IL4R: variants seen among roughly 807,000 people sequenced by gnomAD.
IL4R encodes the protein interleukin-4 receptor subunit alpha.
A neutral mutation model predicts 41.5 loss-of-function variants in IL4R; 17 were observed. The ratio of observed to expected loss-of-function variants is 0.41; its 90% CI spans 0.28 to 0.61. IL4R has a LOEUF of 0.61. Among genes scored for constraint, IL4R ranks in the 20% least tolerant of loss-of-function variants. The pLI is 0.31. For synonymous variants in IL4R, 402 were observed against 422.9 expected, an observed-to-expected ratio of 0.95 and a Z score of 0.61; for missense variants, 974 against 1,043.1, an observed-to-expected ratio of 0.93 and a Z score of 0.91.
chr16:27,356,194 C>T (rs776914124), intron 8 of IL4R, among the ~76,000 whole-genome samples: 12 of 150,186 alleles, frequency 8.0e-5, no homozygotes, highest in Non-Finnish European at 1.2e-4. Flanking sequence ...CGGGTTCAAG[C>T]AATTCTTCTG....
chr16:27,331,258 T>C lies in IL4R; in HGVS notation c.-19+1060T>C, dbSNP rs191130694. ...ATTAGATGCTCAGATAGGTCATTGA[T>C]CCCCAAAACACTAAGGTCTCTGACT... On this transcript the variant is annotated intron_variant, in intron 2 of 10. Transcript: ENST00000395762. Among the ~76,000 whole-genome samples, 196 of 152,134 alleles carry C rather than the reference T, an allele frequency of 1.3e-3. 1 individual carries two copies. Among genetic ancestry groups the C allele is most frequent in the Admixed American group, 3.2e-3 (49 of 15,248 alleles).
At chr16:27,326,619 C>T (rs920160657) in intron 1 of IL4R, among the ~76,000 whole-genome samples, 3 of 152,118 alleles carry the variant, frequency 2.0e-5, no homozygotes, top group African/African-American at 7.2e-5. Flanking sequence ...TGAGCCGTGA[C>T]GGTGCGACTG....
rs149258878 is a variant in IL4R, at chr16:27,340,647, A to G, written c.70+374A>G. On this transcript the variant is annotated intron_variant, in intron 3 of 10. Coordinates refer to ENST00000395762, the MANE Select transcript of IL4R (RefSeq NM_000418.4). ...CGAGGTGGGAGGATCCCTTGAACTC[A>G]GGAGGTCAAGGCTGCAGTGAACTGT... is the stretch of plus-strand genomic sequence containing the variant. Among the ~76,000 whole-genome samples, 1,386 of 152,246 alleles carry G rather than the reference A, an allele frequency of 9.1e-3. 12 individuals carry two copies. The highest frequency in any genetic ancestry group is 0.032 in the African/African-American group (1,332 of 41,556).
chr16:27,341,941 C>T, intron 3 of IL4R, 180 bp from the exon 4 acceptor site: 1 of 607,512 alleles, frequency 1.6e-6, no homozygotes, highest in Non-Finnish European at 2.8e-6. Flanking sequence ...CTTCCACAGT[C>T]ATCCCGACAC....
intron 1 of IL4R, among the ~76,000 whole-genome samples, chr16:27,316,099 G>A (rs1466480503): frequency 6.6e-6 from 1 of 152,236 alleles, no homozygotes; most frequent in East Asian, 1.9e-4. Context: ...GCTGGGCGCA[G>A]TGACTCACAC....
intron 9 of IL4R, 116 bp from the exon 10 acceptor site, chr16:27,360,650 T>A: frequency 8.3e-7 from 1 of 1,207,236 alleles, no homozygotes; most frequent in Non-Finnish European, 1.2e-6. Context: ...GTAAGTGACC[T>A]GTTGGACTTC....
chr16:27,342,809 T>G (rs1040183139), intron 4 of IL4R, among the ~76,000 whole-genome samples: 7 of 152,060 alleles, frequency 4.6e-5, no homozygotes, highest in Non-Finnish European at 1.0e-4. Flanking sequence ...TGGAGAAATT[T>G]TAAGTCCCAA....
chr16:27,320,735 G>A lies in IL4R; in HGVS notation c.-152+6715G>A, dbSNP rs546438326. ...CCTATGTTTTCCTGAAGCGGCCAGG[G>A]AAGTATTCTGCCTTTTTAAAAGGGA... On this transcript the variant is annotated intron_variant, in intron 1 of 10. Transcript: ENST00000395762. 2.6e-5 allele frequency among the ~76,000 whole-genome samples: 4 copies of A among 152,304 alleles called. No homozygotes were observed. The South Asian group carries it at 8.3e-4, about 32-fold the overall frequency.
At chr16:27,329,749 GAAATA>G (rs1228066275) in intron 1 of IL4R, among the ~76,000 whole-genome samples, 1 of 151,830 alleles carries the variant, frequency 6.6e-6, no homozygotes, top group South Asian at 2.1e-4. Flanking sequence ...TCTGCATCTT[GAAATA>G]AAATAAACAT....
intron 8 of IL4R, among the ~76,000 whole-genome samples, chr16:27,357,557 G>T (rs200863911): frequency 6.6e-6 from 1 of 152,132 alleles, no homozygotes. Flanking sequence ...TCTGCCTCCC[G>T]GGTTCAAGCG....
In IL4R at chr16:27,344,760, C is replaced by G. The variant is rs527732961; in HGVS notation, c.210-109C>G. The G allele has an allele frequency of 1.1e-5, 13 of 1,147,562 alleles. No homozygotes were observed. In the East Asian group the frequency reaches 2.6e-4, roughly 23 times the overall value. The allele number at this position is 1,147,562 out of a possible 1,614,324, so 71.1% of individuals were successfully genotyped here. A position where few individuals can be genotyped will look rare whatever the true frequency, so the allele number is the denominator to read the frequency against. The stretch of plus-strand genomic sequence containing the variant: ...CCAGATCTGTCCTCACATCCGTGAT[C>G]GGGAAGCTGGAAGAGTCTGATGCGG... On this transcript the variant is annotated intron_variant, in intron 4 of 10. Transcript: ENST00000395762.
At chr16:27,334,332 A>C (rs1170913506) in intron 2 of IL4R, 2 of 152,148 alleles carry the variant, frequency 1.3e-5, no homozygotes, top group Non-Finnish European at 2.9e-5. Context: ...CTCTTCTCCC[A>C]CTGCATCTGT....
Position 27,362,721 on chromosome 16 carries a change from C to T in IL4R, c.1369C>T (p.Pro457Ser). 1 of 1,614,114 alleles carries T rather than the reference C, an allele frequency of 6.2e-7. No individual in the cohort carries two copies. The change falls in exon 11 of 11, where the codon CCT (proline) becomes TCT (serine). Residue 457 changes from proline (P) to serine (S), a missense_variant. This residue lies in a region of IL4R where 682 missense variants were observed against 704.3 expected (regional missense o/e 0.97). Transcript: ENST00000395762. ...CCCAAGTGCAGGGCCCAAGGAGGCA[C>T]CTCCCTGGGGCAAGGAGCAGCCTCT... ...EFPSAGPKEA[P>S]PWGKEQPLHL...
At chr16:27,343,639 G>A (rs1342720946) in intron 4 of IL4R, among the ~76,000 whole-genome samples, 1 of 152,134 alleles carries the variant, frequency 6.6e-6, no homozygotes. Context: ...TGTTGGCCAA[G>A]CTGGTCTCGA....
intron 6 of IL4R, among the ~76,000 whole-genome samples, chr16:27,347,877 G>A (rs1279202286): frequency 6.6e-6 from 1 of 152,242 alleles, no homozygotes; most frequent in Non-Finnish European, 1.5e-5. Flanking sequence ...TACAAGGTGT[G>A]TGATACAGAT....
intron 6 of IL4R, 44 bp downstream of exon 6, chr16:27,346,662 CAG>C: frequency 6.2e-7 from 1 of 1,606,994 alleles, no homozygotes; most frequent in Non-Finnish European, 8.5e-7. Flanking sequence ...CTCTGGGGAA[CAG>C]GGTGGGTGAC....
chr16:27,342,564 A>G (rs369276741), intron 4 of IL4R, among the ~76,000 whole-genome samples: 53 of 152,296 alleles, frequency 3.5e-4, no homozygotes, highest in African/African-American at 1.2e-3. Flanking sequence ...TGAGGACCCA[A>G]AGGGCTTTGG....
intron 1 of IL4R, among the ~76,000 whole-genome samples, chr16:27,316,135 TGA>T (rs1267648011): frequency 6.6e-6 from 1 of 152,138 alleles, no homozygotes; most frequent in African/African-American, 2.4e-5. Flanking sequence ...TTTGGGAGGC[TGA>T]GAGAGGATCG....
At chr16:27,321,136 G>C (rs1243681552) in intron 1 of IL4R, among the ~76,000 whole-genome samples, 2 of 151,986 alleles carry the variant, frequency 1.3e-5, no homozygotes, top group Non-Finnish European at 2.9e-5. Flanking sequence ...TAGCAATGGG[G>C]TTTCACCATG....
Sources: allele counts gnomAD v4.1 joint callset (sites outside exome capture counted in the v4.1 genomes callset), GRCh38; gene constraint gnomAD v4.1.1; regional missense constraint gnomAD v4.1.1; transcripts MANE v1.5; gene names NCBI Gene and HGNC (gene_info 2026-07-23, HGNC 2026-07-21).